NME1: variants seen among roughly 807,000 people sequenced by gnomAD.
NME1 encodes the protein nucleoside diphosphate kinase A.
A neutral mutation model predicts 17.2 loss-of-function variants in NME1; 9 were observed. The ratio of observed to expected loss-of-function variants is 0.52; its 90% confidence interval spans 0.32 to 0.92. The LOEUF (loss-of-function observed/expected upper bound fraction) is 0.92, where lower values mean the gene tolerates loss of function less well. Ranked by LOEUF, NME1 falls within the 40% of genes least tolerant of loss-of-function variation. The probability of loss-of-function intolerance (pLI) is 0.04; values close to 1 mark genes in which losing one functional copy is unlikely to be tolerated. For synonymous variants in NME1, 72 were observed against 70.8 expected (o/e 1.02, Z -0.09); for missense variants, 169 against 201.7 (o/e 0.84, Z 0.98).
rs994454069 is a variant in NME1 at position 51,160,054 on chromosome 17, C to T, written c.201C>T (p.Tyr67=). Residue 67 remains tyrosine (Y), a synonymous_variant, in exon 3 of 5, where the codon TAC becomes TAT. Coordinates refer to ENST00000393196, the MANE Select transcript of NME1 (RefSeq NM_000269.3). ...CATTCTTTGCCGGCCTGGTGAAATA[C>T]ATGCACTCAGGGCCGGTAGTTGCCA... The part of the protein sequence containing the change: ...DRPFFAGLVK[Y]MHSGPVVAMV... 2.5e-6 allele frequency: 4 copies of T among 1,614,174 alleles called. No individual in the cohort carries two copies. The highest frequency in any genetic ancestry group is 1.1e-5 in the South Asian group (1 of 91,082).
At chr17:51,161,483 A>G (rs1047075813) in intron 4 of NME1, 8 of 673,768 alleles carry the variant, frequency 1.2e-5, no homozygotes, top group African/African-American at 1.8e-5. Flanking sequence ...ACCTGGTACA[A>G]CACACTTTGC....
intron 1 of NME1, chr17:51,153,993 A>G (rs888247663): frequency 1.2e-5 from 3 of 247,040 alleles, no homozygotes; most frequent in African/African-American, 2.2e-5. Flanking sequence ...TGTGTCATTC[A>G]TTCAGCAAGC....
At chr17:51,161,363 C>CA in intron 4 of NME1, 91 bp downstream of exon 4, 3 of 1,185,588 alleles carry the variant, frequency 2.5e-6, no homozygotes, top group Non-Finnish European at 2.5e-6. Flanking sequence ...GACATGATAC[C>CA]ATATGCAGGT....
At chr17:51,161,543 A>G in intron 4 of NME1, 185 bp from the exon 5 acceptor site, 1 of 681,492 alleles carries the variant, frequency 1.5e-6, no homozygotes, top group Non-Finnish European at 2.6e-6. Context: ...CGTGGCCGGG[A>G]GGGCTGGATG....
Position 51,162,142 on chromosome 17 carries a change from A to C in NME1, c.*297A>C. The stretch of plus-strand genomic sequence containing the variant: ...AATAGAGAGTGTAAATACTATAAAA[A>C]TGATTTATTTTGAGGTCTCACATAC... On this transcript the variant is annotated 3_prime_UTR_variant, in exon 5 of 5. Coordinates refer to ENST00000393196, the MANE Select transcript of NME1 (RefSeq NM_000269.3). 3.3e-6 allele frequency: 1 copy of C among 300,236 alleles called. No individual in the cohort carries two copies. The highest frequency in any genetic ancestry group is 2.2e-5 in the African/African-American group (1 of 46,308). 18.6% of individuals were successfully genotyped at this position (300,236 alleles called of 1,614,324 possible).
At chr17:51,157,760 A>G (rs1012749011) in intron 2 of NME1, among the ~76,000 whole-genome samples, 4 of 152,176 alleles carry the variant, frequency 2.6e-5, no homozygotes, top group Non-Finnish European at 5.9e-5. Flanking sequence ...ATGCCACTGG[A>G]ATTTTAACTT....
intron 1 of NME1, chr17:51,154,497 A>T: frequency 1.4e-6 from 2 of 1,473,290 alleles, no homozygotes; most frequent in Non-Finnish European, 1.9e-6. Flanking sequence ...CGGAATAGTT[A>T]CTCTCTAGGC....
At chr17:51,159,944 T>A (rs1355251082) in intron 2 of NME1, 36 bp from the exon 3 acceptor site, 2 of 1,610,452 alleles carry the variant, frequency 1.2e-6, no homozygotes, top group African/African-American at 2.7e-5. Flanking sequence ...CTTAGATGGT[T>A]TGGGGGTTAT....
chr17:51,161,643 T>C, intron 4 of NME1, 85 bp from the exon 5 acceptor site: 1 of 998,434 alleles, frequency 1.0e-6, no homozygotes, highest in Non-Finnish European at 1.6e-6. Flanking sequence ...TCAGCTTTTA[T>C]GCTGCTGTGG....
intron 3 of NME1, chr17:51,160,574 G>A (rs2144868325): frequency 3.7e-6 from 1 of 269,954 alleles, no homozygotes; most frequent in East Asian, 9.4e-5. Context: ...CTTCCTGAGT[G>A]CTGGGAAGCT....
intron 2 of NME1, 44 bp from the exon 3 acceptor site, chr17:51,159,936 T>C (rs2049840790): frequency 6.2e-7 from 1 of 1,608,552 alleles, no homozygotes; most frequent in Admixed American, 1.7e-5. Context: ...TATATGTCCT[T>C]AGATGGTTTG....
chr17:51,154,262 C>T, intron 1 of NME1: 1 of 947,370 alleles, frequency 1.1e-6, no homozygotes, highest in South Asian at 1.3e-5. Context: ...CTACACAGGA[C>T]TAAGTCAGCC....
intron 2 of NME1, 116 bp from the exon 3 acceptor site, chr17:51,159,864 A>G (rs943849480): frequency 1.7e-6 from 2 of 1,202,118 alleles, no homozygotes; most frequent in Non-Finnish European, 2.4e-6. Flanking sequence ...TTATAACAGA[A>G]TCAGTGAGCC....
chr17:51,155,528 G>C (rs934066789), intron 1 of NME1, 123 bp from the exon 2 acceptor site: 8 of 1,457,544 alleles, frequency 5.5e-6, no homozygotes, highest in Non-Finnish European at 7.5e-6. Context: ...GTTTTTACCA[G>C]AGGGAGACCT....
intron 3 of NME1, 38 bp from the exon 4 acceptor site, chr17:51,161,122 G>A (rs1248008672): frequency 5.1e-6 from 8 of 1,579,010 alleles, no homozygotes; most frequent in African/African-American, 2.7e-5. Flanking sequence ...GCTGTGATTG[G>A]TTTTCTTCTT....
intron 4 of NME1, 191 bp downstream of exon 4, chr17:51,161,463 G>A (rs1598241351): frequency 2.9e-6 from 2 of 693,240 alleles, no homozygotes; most frequent in East Asian, 5.4e-5. Flanking sequence ...TCTGTTACAC[G>A]AAGTGTAGAA....
chr17:51,161,034 A>C, intron 3 of NME1, 126 bp from the exon 4 acceptor site: 1 of 958,326 alleles, frequency 1.0e-6, no homozygotes, highest in Non-Finnish European at 1.6e-6. Context: ...CTCTATAAAC[A>C]TTTGTTCAGT....
At chr17:51,154,450 T>A in intron 1 of NME1, 1 of 1,613,628 alleles carries the variant, frequency 6.2e-7, no homozygotes, top group Non-Finnish European at 8.5e-7. Flanking sequence ...ACAGGGTAGG[T>A]CATGAGCGCA....
chr17:51,161,359 A>T, intron 4 of NME1, 87 bp downstream of exon 4: 1 of 1,210,428 alleles, frequency 8.3e-7, no homozygotes, highest in Non-Finnish European at 1.2e-6. Context: ...GGTAGACATG[A>T]TACCATATGC....
Sources: gnomAD v4.1 joint callset for allele counts (sites outside exome capture counted in the v4.1 genomes callset) on GRCh38, gnomAD v4.1.1 for gene constraint, MANE v1.5 for transcripts, NCBI Gene and HGNC (gene_info 2026-07-23, HGNC 2026-07-21) for gene names.